SBF2: variants seen among roughly 807,000 people sequenced by gnomAD.
The protein encoded by SBF2 is SET binding factor 2, also known as myotubularin-related protein 13.
A neutral mutation model predicts 225.2 loss-of-function variants in SBF2; 112 were observed. That is an observed-to-expected ratio of 0.50 (90% confidence interval 0.43 to 0.58). SBF2 has a LOEUF of 0.58. SBF2 is among the 20% of genes least tolerant of loss of function. The probability of loss-of-function intolerance (pLI) is 0.00; values close to 1 mark genes in which losing one functional copy is unlikely to be tolerated. For missense variants in SBF2, 1,996 were observed against 2,206.2 expected, an observed-to-expected ratio of 0.90 and a Z score of 1.91; for synonymous variants, 763 against 773.3, an observed-to-expected ratio of 0.99 and a Z score of 0.22.
chr11:9,851,051 G>A (rs1026475821), intron 21 of SBF2, among the ~76,000 whole-genome samples: 25 of 148,922 alleles, frequency 1.7e-4, no homozygotes, highest in African/African-American at 2.2e-4. Context: ...CAGGAGAATC[G>A]CTTGAACCTG....
At chr11:9,875,694 C>T (rs1189046790) in intron 17 of SBF2, among the ~76,000 whole-genome samples, 2 of 152,214 alleles carry the variant, frequency 1.3e-5, no homozygotes, top group Non-Finnish European at 2.9e-5. Context: ...GGTCAATCCT[C>T]CCTGCAAGGT....
intron 2 of SBF2, among the ~76,000 whole-genome samples, chr11:10,098,286 C>T (rs900799239): frequency 6.6e-6 from 1 of 151,766 alleles, no homozygotes; most frequent in African/African-American, 2.4e-5. Context: ...GAATGTAAAC[C>T]TAAGATTTCT....
intron 1 of SBF2, among the ~76,000 whole-genome samples, chr11:10,290,499 T>C (rs1964094192): frequency 6.6e-6 from 1 of 151,894 alleles, no homozygotes; most frequent in Non-Finnish European, 1.5e-5. Context: ...TGTCCCTGTA[T>C]GGAAGCATGC....
intron 1 of SBF2, among the ~76,000 whole-genome samples, chr11:10,253,631 C>T (rs1191034099): frequency 6.6e-6 from 1 of 152,086 alleles, no homozygotes; most frequent in Non-Finnish European, 1.5e-5. Flanking sequence ...CACTTTTTCT[C>T]ATAAAGGAAA....
chr11:10,080,774 T>C (rs764611924), intron 2 of SBF2, among the ~76,000 whole-genome samples: 2 of 151,846 alleles, frequency 1.3e-5, no homozygotes, highest in Non-Finnish European at 2.9e-5. Flanking sequence ...AAAAAACATA[T>C]TCCATGCAAA....
chr11:9,903,259 T>C (rs1056767640), intron 16 of SBF2, among the ~76,000 whole-genome samples: 4 of 151,920 alleles, frequency 2.6e-5, no homozygotes, highest in Non-Finnish European at 5.9e-5. Flanking sequence ...GAGGCAGAGC[T>C]TGCAGTGAGC....
At chr11:10,298,826 C>T (rs1964571277), upstream of SBF2, among the ~76,000 whole-genome samples, 1 of 152,244 alleles carries the variant, frequency 6.6e-6, no homozygotes, top group Non-Finnish European at 1.5e-5. Flanking sequence ...TGCCACCCCA[C>T]TAGTTTGAGC....
At chr11:10,123,684 C>CA (rs796450224) in intron 2 of SBF2, among the ~76,000 whole-genome samples, 116 of 133,720 alleles carry the variant, frequency 8.7e-4, no homozygotes, top group Admixed American at 2.9e-3. Context: ...GTCTTCCTTA[C>CA]AAAAAAAAAA....
At chr11:10,234,382 T>C (rs1045184525) in intron 1 of SBF2, among the ~76,000 whole-genome samples, 1 of 152,230 alleles carries the variant, frequency 6.6e-6, no homozygotes, top group Non-Finnish European at 1.5e-5. Context: ...AAGTGTTCAT[T>C]TCACTGAATT....
intron 2 of SBF2, among the ~76,000 whole-genome samples, chr11:10,189,661 CATTAAAGTTAGAA>C (rs1957081159): frequency 1.3e-5 from 2 of 152,126 alleles, no homozygotes; most frequent in Non-Finnish European, 2.9e-5. Flanking sequence ...TTCGTAAGAA[CATTAAAGTTAGAA>C]ATTCTAACTG....
At chr11:10,062,088 C>T (rs1019124430) in intron 2 of SBF2, among the ~76,000 whole-genome samples, 2 of 152,092 alleles carry the variant, frequency 1.3e-5, no homozygotes, top group African/African-American at 4.8e-5. Flanking sequence ...CAAAAACTAG[C>T]AATGGAGAAA....
At chr11:10,112,133 T>A (rs1402739452) in intron 2 of SBF2, among the ~76,000 whole-genome samples, 1 of 152,200 alleles carries the variant, frequency 6.6e-6, no homozygotes, top group Admixed American at 6.5e-5. Context: ...GAACCCCTGA[T>A]TTCTAAAACA....
At chr11:9,880,908 A>G (rs1859709456) in intron 17 of SBF2, among the ~76,000 whole-genome samples, 1 of 152,224 alleles carries the variant, frequency 6.6e-6, no homozygotes, top group African/African-American at 2.4e-5. Context: ...CACAAGAAAT[A>G]TGATTTTCAA....
chr11:9,894,436 G>A (rs890525302), intron 17 of SBF2, among the ~76,000 whole-genome samples: 2 of 152,128 alleles, frequency 1.3e-5, no homozygotes, highest in African/African-American at 4.8e-5. Flanking sequence ...AGAATCACTT[G>A]AACCTGGGAG....
At chr11:9,849,350 G>T (rs545288436) in intron 22 of SBF2, among the ~76,000 whole-genome samples, 24 of 152,258 alleles carry the variant, frequency 1.6e-4, no homozygotes, top group African/African-American at 5.8e-4. Context: ...CTGTTGTTTT[G>T]CCCAAAGTCT....
At chr11:9,920,217 T>TAC (rs1296093793) in intron 16 of SBF2, among the ~76,000 whole-genome samples, 10 of 151,160 alleles carry the variant, frequency 6.6e-5, no homozygotes, top group African/African-American at 9.7e-5. Context: ...TATATATATA[T>TAC]ATACACACAC....
At chr11:9,805,772 G>A (rs184528148) in intron 32 of SBF2, among the ~76,000 whole-genome samples, 11 of 152,172 alleles carry the variant, frequency 7.2e-5, no homozygotes, top group East Asian at 1.9e-4. Flanking sequence ...ACAGGCGTGC[G>A]CCCCCACGTC....
At chr11:9,796,738 G>C (rs1180699564) in intron 32 of SBF2, among the ~76,000 whole-genome samples, 3 of 152,180 alleles carry the variant, frequency 2.0e-5, no homozygotes, top group Non-Finnish European at 4.4e-5. Flanking sequence ...GATAGTTCAA[G>C]TGCCAAGGGA....
chr11:10,029,852 G>C lies in SBF2; in HGVS notation c.426C>G (p.Thr142=), dbSNP rs1368217756. The C allele has an allele frequency of 6.2e-7, 1 of 1,613,046 alleles. No individual in the cohort carries two copies. The highest frequency in any genetic ancestry group is 1.1e-5 in the South Asian group (1 of 91,050). The change falls in exon 5 of 40, where the codon ACC becomes ACG. Residue 142 remains threonine, a synonymous_variant. Transcript: ENST00000256190. ...AGACATTCAGGCTGTCCACATACAC[G>C]GTATAGATCAAACCCAGGCAAGCCT... ...IFRACLGLIY[T]VYVDSLNVSL...
Sources: gnomAD v4.1 joint callset for allele counts (sites outside exome capture counted in the v4.1 genomes callset) on GRCh38, gnomAD v4.1.1 for gene constraint, MANE v1.5 for transcripts, NCBI Gene and HGNC (gene_info 2026-07-23, HGNC 2026-07-21) for gene names.